RALGAPA2: variants seen among roughly 807,000 people sequenced by gnomAD.
RALGAPA2 encodes Ral GTPase activating protein catalytic subunit alpha 2.
A neutral mutation model predicts 230.4 loss-of-function variants in RALGAPA2; 139 were observed. That is an observed-to-expected ratio of 0.60 (90% CI 0.53 to 0.69). The LOEUF (loss-of-function observed/expected upper bound fraction) is 0.69, where lower values mean the gene tolerates loss of function less well. RALGAPA2 is among the 30% of genes least tolerant of loss of function. RALGAPA2 has a pLI of 0.00. For synonymous variants in RALGAPA2, 847 were observed against 837.8 expected (o/e 1.01, Z -0.19); for missense variants, 2,163 against 2,276.0 (o/e 0.95, Z 1.01).
At chr20:20,598,225 T>C (rs551809975) in intron 16 of RALGAPA2, among the ~76,000 whole-genome samples, 1 of 152,350 alleles carries the variant, frequency 6.6e-6, no homozygotes, top group South Asian at 2.1e-4. Flanking sequence ...AACTGGTCAT[T>C]ACTTCACATA....
chr20:20,593,025 C>A (rs2065340794), intron 16 of RALGAPA2, among the ~76,000 whole-genome samples: 1 of 152,052 alleles, frequency 6.6e-6, no homozygotes, highest in Admixed American at 6.5e-5. Context: ...TCAACTGATT[C>A]TCACACCTCA....
intron 18 of RALGAPA2, 109 bp from the exon 19 acceptor site, chr20:20,585,064 G>T: frequency 3.5e-6 from 2 of 573,168 alleles, no homozygotes; most frequent in Non-Finnish European, 5.9e-6. Context: ...AATAATAATA[G>T]CTAAATAAAT....
At chr20:20,635,820 G>A (rs1192666739) in intron 8 of RALGAPA2, among the ~76,000 whole-genome samples, 1 of 152,164 alleles carries the variant, frequency 6.6e-6, no homozygotes, top group African/African-American at 2.4e-5. Flanking sequence ...GAGAATGAGT[G>A]ATGATGGTGA....
chr20:20,656,647 C>T (rs34124493), intron 3 of RALGAPA2, among the ~76,000 whole-genome samples: 2,503 of 152,252 alleles, frequency 0.016, 23 homozygotes, highest in Non-Finnish European at 0.027. Context: ...AGTTACATTA[C>T]ATTAAAAGGG....
chr20:20,456,908 T>G (rs1415461102), intron 37 of RALGAPA2, among the ~76,000 whole-genome samples: 2 of 152,100 alleles, frequency 1.3e-5, no homozygotes, highest in Non-Finnish European at 2.9e-5. Flanking sequence ...CAGCCTAAAC[T>G]CCTGGACTCA....
intron 1 of RALGAPA2, among the ~76,000 whole-genome samples, chr20:20,709,359 A>C (rs1214942200): frequency 6.6e-6 from 1 of 151,962 alleles, no homozygotes; most frequent in East Asian, 1.9e-4. Context: ...GTGGTGGTAC[A>C]TGCCTGTAGC....
rs1237296569 is a variant in RALGAPA2, at chr20:20,524,904, T to A, written c.3694-6A>T. Reference sequence around the variant, plus strand: ...GCAACTGTGGCCACGAGGATCTGCATAAAAGATAAATCCCCAATCAAACAG... The same window carrying A: ...GCAACTGTGGCCACGAGGATCTGCAAAAAAGATAAATCCCCAATCAAACAG... On this transcript the variant is annotated splice_polypyrimidine_tract_variant and splice_region_variant and intron_variant, in intron 28 of 39. Coordinates refer to ENST00000202677, the MANE Select transcript of RALGAPA2 (RefSeq NM_020343.4). 6.2e-7 allele frequency: 1 copy of A among 1,600,508 alleles called. No homozygotes were observed. The highest frequency in any genetic ancestry group is 8.5e-7 in the Non-Finnish European group (1 of 1,172,744).
chr20:20,557,349 A>C (rs2064116291), intron 23 of RALGAPA2, among the ~76,000 whole-genome samples: 1 of 152,180 alleles, frequency 6.6e-6, no homozygotes, highest in African/African-American at 2.4e-5. Context: ...ACTGTGTGTA[A>C]TCATGTAAGT....
At chr20:20,632,170 G>A (rs1009616601) in intron 9 of RALGAPA2, among the ~76,000 whole-genome samples, 5 of 151,688 alleles carry the variant, frequency 3.3e-5, no homozygotes, top group Admixed American at 1.3e-4. Context: ...GACTACAGGC[G>A]CCCGCCACCA....
At chr20:20,443,895 C>A (rs1168240124) in intron 37 of RALGAPA2, among the ~76,000 whole-genome samples, 2 of 152,246 alleles carry the variant, frequency 1.3e-5, no homozygotes, top group African/African-American at 4.8e-5. Context: ...AGCAGCAATC[C>A]TTTCTTCCTA....
chr20:20,678,777 A>T (rs1391126891), intron 2 of RALGAPA2, among the ~76,000 whole-genome samples: 2 of 151,978 alleles, frequency 1.3e-5, no homozygotes, highest in Non-Finnish European at 2.9e-5. Context: ...TCAACAGCTC[A>T]CCGCCCTGTG....
At chr20:20,656,817 GATT>G (rs2067603904) in intron 3 of RALGAPA2, among the ~76,000 whole-genome samples, 1 of 152,082 alleles carries the variant, frequency 6.6e-6, no homozygotes, top group Non-Finnish European at 1.5e-5. Flanking sequence ...CAAGCAAAGA[GATT>G]AGAACAAGAA....
chr20:20,685,490 T>C (rs1169701577), intron 1 of RALGAPA2, among the ~76,000 whole-genome samples: 2 of 152,122 alleles, frequency 1.3e-5, no homozygotes, highest in African/African-American at 2.4e-5. Context: ...GCAGGTGTGA[T>C]TAAGAGAAAG....
intron 23 of RALGAPA2, among the ~76,000 whole-genome samples, chr20:20,555,497 A>T (rs2064057040): frequency 1.3e-5 from 2 of 152,182 alleles, no homozygotes; most frequent in South Asian, 4.1e-4. Context: ...TGGAATCTAC[A>T]TGTCAGTTTG....
intron 23 of RALGAPA2, among the ~76,000 whole-genome samples, chr20:20,562,769 T>C (rs1480117615): frequency 6.6e-6 from 1 of 152,228 alleles, no homozygotes; most frequent in Non-Finnish European, 1.5e-5. Context: ...TACATATTTT[T>C]ACTTTCCTCA....
intron 37 of RALGAPA2, among the ~76,000 whole-genome samples, chr20:20,414,705 C>T (rs1212819660): frequency 6.6e-6 from 1 of 152,172 alleles, no homozygotes; most frequent in African/African-American, 2.4e-5. Context: ...GGTCTGACTC[C>T]TAAATTAAGG....
At chr20:20,668,056 G>A (rs1162225081) in intron 3 of RALGAPA2, among the ~76,000 whole-genome samples, 1 of 152,116 alleles carries the variant, frequency 6.6e-6, no homozygotes, top group African/African-American at 2.4e-5. Flanking sequence ...GGATACAGAT[G>A]TACAAGATAC....
intron 1 of RALGAPA2, among the ~76,000 whole-genome samples, chr20:20,688,306 CA>C (rs1001365152): frequency 6.8e-6 from 1 of 147,882 alleles, no homozygotes; most frequent in African/African-American, 2.5e-5. Context: ...AACTCCATCT[CA>C]AAAAAAGAAA....
At chr20:20,663,659 T>C (rs2067860394) in intron 3 of RALGAPA2, among the ~76,000 whole-genome samples, 1 of 152,130 alleles carries the variant, frequency 6.6e-6, no homozygotes, top group Non-Finnish European at 1.5e-5. Flanking sequence ...TGGCGCGATC[T>C]CAGCTCACTA....
Sources: gnomAD v4.1 joint callset for allele counts (sites outside exome capture counted in the v4.1 genomes callset) on GRCh38, gnomAD v4.1.1 for gene constraint, MANE v1.5 for transcripts, NCBI Gene and HGNC (gene_info 2026-07-23, HGNC 2026-07-21) for gene names.